Variants in TBC1D19 observed in about 807,000 individuals in gnomAD.
The protein encoded by TBC1D19 is TBC1 domain family, member 19.
In TBC1D19, 60 loss-of-function variants were observed where a neutral mutation model predicts 89.0. The ratio of observed to expected loss-of-function variants is 0.67; its 90% CI spans 0.55 to 0.84. TBC1D19 has a LOEUF of 0.84. TBC1D19 is among the 40% of genes least tolerant of loss of function. The pLI is 0.00. For missense variants in TBC1D19, 500 were observed against 610.8 expected, an observed-to-expected ratio of 0.82 and a Z score of 1.91; for synonymous variants, 189 against 199.7, an observed-to-expected ratio of 0.95 and a Z score of 0.45.
At chr4:26,854,725 C>A in the TBC1D19 span, among the ~76,000 whole-genome samples, 2 of 103,566 alleles carry the variant, frequency 1.9e-5, no homozygotes, top group Non-Finnish European at 3.8e-5. Flanking sequence ...GAATCTCCAG[C>A]CTTTTTTTTT....
At chr4:26,854,631 G>A in the TBC1D19 span, among the ~76,000 whole-genome samples, 1 of 152,170 alleles carries the variant, frequency 6.6e-6, no homozygotes. Context: ...CTTGGTGGTA[G>A]GGGCCAAGAT....
chr4:26,686,128 T>TA (rs74447111), intron 12 of TBC1D19, among the ~76,000 whole-genome samples: 2,091 of 150,478 alleles, frequency 0.014, 34 homozygotes, highest in African/African-American at 0.044. Flanking sequence ...AATGATCATT[T>TA]AAAAAAAAAA....
intron 19 of TBC1D19, among the ~76,000 whole-genome samples, chr4:26,752,146 C>T (rs561665308): frequency 1.5e-4 from 23 of 151,862 alleles, no homozygotes; most frequent in Non-Finnish European, 2.9e-4. Context: ...ATGACTTATT[C>T]TCTTTGTAAA....
intron 7 of TBC1D19, among the ~76,000 whole-genome samples, chr4:26,651,993 C>G (rs1428915832): frequency 6.6e-6 from 1 of 151,974 alleles, no homozygotes; most frequent in Admixed American, 6.6e-5. Flanking sequence ...GTCATTGGTT[C>G]TGTTTATATG....
chr4:26,582,202 T>C (rs1241848375), upstream of TBC1D19, among the ~76,000 whole-genome samples: 1 of 152,074 alleles, frequency 6.6e-6, no homozygotes, highest in Non-Finnish European at 1.5e-5. Flanking sequence ...AGTTTCAATA[T>C]TTAATTTATT....
chr4:26,843,498 C>A, the TBC1D19 span, among the ~76,000 whole-genome samples: 1 of 151,600 alleles, frequency 6.6e-6, no homozygotes, highest in Non-Finnish European at 1.5e-5. Flanking sequence ...ACATCGGAGA[C>A]CATTAACGGC....
chr4:26,731,215 A>G (rs551445459), intron 15 of TBC1D19, among the ~76,000 whole-genome samples: 5 of 152,232 alleles, frequency 3.3e-5, no homozygotes, highest in African/African-American at 1.2e-4. Context: ...TATCAGGGAG[A>G]TCTTTCTAGG....
intron 1 of TBC1D19, among the ~76,000 whole-genome samples, chr4:26,599,181 G>T (rs180798988): frequency 1.3e-5 from 2 of 152,278 alleles, no homozygotes; most frequent in African/African-American, 4.8e-5. Flanking sequence ...ACTTGTAAGA[G>T]AATCTGTGAT....
the TBC1D19 span, among the ~76,000 whole-genome samples, chr4:26,840,044 T>G: frequency 1.3e-5 from 2 of 152,116 alleles, no homozygotes; most frequent in South Asian, 4.1e-4. Flanking sequence ...TTTATGAGAA[T>G]GTTTATAATT....
chr4:26,800,866 C>G, the TBC1D19 span, among the ~76,000 whole-genome samples: 1 of 152,118 alleles, frequency 6.6e-6, no homozygotes, highest in Non-Finnish European at 1.5e-5. Context: ...TTGTTTTCCT[C>G]TTGTAAATTT....
intron 7 of TBC1D19, among the ~76,000 whole-genome samples, chr4:26,656,987 T>TTCTC: frequency 0.02 from 357 of 17,850 alleles, 23 homozygotes; most frequent in Non-Finnish European, 0.024. Flanking sequence ...TTCTTCTTCT[T>TTCTC]CTTCTCCTTC....
At chr4:26,662,667 T>TA (rs1745287746) in intron 8 of TBC1D19, among the ~76,000 whole-genome samples, 2 of 151,900 alleles carry the variant, frequency 1.3e-5, no homozygotes, top group African/African-American at 4.8e-5. Context: ...AAAAGCAGAG[T>TA]ATATACAGTG....
intron 11 of TBC1D19, among the ~76,000 whole-genome samples, chr4:26,679,790 G>T (rs189091247): frequency 6.6e-6 from 1 of 152,210 alleles, no homozygotes; most frequent in Non-Finnish European, 1.5e-5. Context: ...TTGCATCAGC[G>T]TAGTTAATGC....
At chr4:26,611,967 C>T (rs867111041) in intron 1 of TBC1D19, among the ~76,000 whole-genome samples, 6 of 151,978 alleles carry the variant, frequency 3.9e-5, no homozygotes, top group Non-Finnish European at 7.4e-5. Flanking sequence ...TAGGCAAAAC[C>T]GTTCCCTGTT....
intron 4 of TBC1D19, among the ~76,000 whole-genome samples, chr4:26,628,474 C>T (rs1302648635): frequency 6.6e-6 from 1 of 152,058 alleles, no homozygotes; most frequent in East Asian, 1.9e-4. Context: ...TCTCTCACCA[C>T]TTCTATTCAA....
At chr4:26,821,583 A>G in the TBC1D19 span, among the ~76,000 whole-genome samples, 1 of 152,196 alleles carries the variant, frequency 6.6e-6, no homozygotes, top group Non-Finnish European at 1.5e-5. Context: ...CAGGACCTAG[A>G]TCTTGGACCT....
intron 7 of TBC1D19, among the ~76,000 whole-genome samples, chr4:26,649,495 A>C (rs1170066119): frequency 6.6e-6 from 1 of 152,172 alleles, no homozygotes; most frequent in Admixed American, 6.6e-5. Context: ...AAGAAACCTT[A>C]TGCCCATTTG....
At chr4:26,829,751 T>A in the TBC1D19 span, among the ~76,000 whole-genome samples, 1 of 152,358 alleles carries the variant, frequency 6.6e-6, no homozygotes, top group East Asian at 1.9e-4. Context: ...TTTTACCTCA[T>A]CAGGACTAAA....
At chr4:26,639,799 G>T (rs181922488) in intron 6 of TBC1D19, among the ~76,000 whole-genome samples, 10 of 152,202 alleles carry the variant, frequency 6.6e-5, no homozygotes, top group Non-Finnish European at 1.3e-4. Context: ...ACAACTAGAG[G>T]AATTCACTAA....
Sources: allele counts gnomAD v4.1 joint callset (sites outside exome capture counted in the v4.1 genomes callset), GRCh38; gene constraint gnomAD v4.1.1; transcripts MANE v1.5; gene names NCBI Gene and HGNC (gene_info 2026-07-23, HGNC 2026-07-21).